LRRC27: variants seen among roughly 807,000 people sequenced by gnomAD.
LRRC27 encodes leucine-rich repeat-containing protein 27.
A neutral mutation model predicts 55.0 loss-of-function variants in LRRC27; 57 were observed. The ratio of observed to expected loss-of-function variants is 1.04; its 90% CI spans 0.84 to 1.29. The LOEUF is 1.29. Among genes scored for constraint, LRRC27 ranks in the 50% most tolerant of loss-of-function variants. The pLI is 0.00. For synonymous variants in LRRC27, 278 were observed against 251.9 expected, an observed-to-expected ratio of 1.10 and a Z score of -0.98; for missense variants, 721 against 651.5, an observed-to-expected ratio of 1.11 and a Z score of -1.16.
chr10:132,380,437 G>A lies in LRRC27; in HGVS notation c.*5195G>A, dbSNP rs551575076. ...ATGTCAAGGATCCGCTTAAAACATCGTGTGGTGCTAATCTCTGCACGAGCG... is the reference window on the plus strand; with the variant it reads ...ATGTCAAGGATCCGCTTAAAACATCATGTGGTGCTAATCTCTGCACGAGCG... On this transcript the variant is annotated 3_prime_UTR_variant, in exon 11 of 11. Transcript: ENST00000368614. Among the ~76,000 whole-genome samples, 202 of 152,270 alleles carry A rather than the reference G, an allele frequency of 1.3e-3. 1 individual carries two copies. Among genetic ancestry groups the A allele is most frequent in the Admixed American group, 2.6e-3 (40 of 15,288 alleles).
chr10:132,380,595 G>C lies in LRRC27; in HGVS notation c.*5353G>C, dbSNP rs2069398723. On this transcript the variant is annotated 3_prime_UTR_variant, in exon 11 of 11. Transcript: ENST00000368614. ...GATCCCTTGAGCCCAGGAGGTCGAG[G>C]CTGCAGTGAGCTGTGATTGCACCAC... 6.6e-6 allele frequency among the ~76,000 whole-genome samples: 1 copy of C among 152,148 alleles called. No homozygotes were observed. The highest frequency in any genetic ancestry group is 2.1e-4 in the South Asian group (1 of 4,828).
chr10:132,364,413 C>CCACACTTACACT (rs1564853217), intron 9 of LRRC27, among the ~76,000 whole-genome samples: 1 of 145,290 alleles, frequency 6.9e-6, no homozygotes, highest in African/African-American at 2.6e-5. Flanking sequence ...ACCTCCACAC[C>CCACACTTACACT]CGCGCTTACA....
chr10:132,355,670 G>A (rs1166529763), intron 7 of LRRC27, 120 bp from the exon 8 acceptor site: 5 of 696,782 alleles, frequency 7.2e-6, no homozygotes, highest in Non-Finnish European at 7.6e-6. Context: ...GGGCATGCAC[G>A]CCCCCAGCCT....
chr10:132,353,255 T>C (rs1275222058), intron 7 of LRRC27: 9 of 1,274,796 alleles, frequency 7.1e-6, no homozygotes, highest in Non-Finnish European at 9.0e-6. Context: ...AGCCTCTCCC[T>C]CCTTCTGGGT....
Position 132,372,362 on chromosome 10 carries a change from T to A in LRRC27, c.1417-2704T>A, listed in dbSNP as rs1349121932. Among the ~76,000 whole-genome samples the A allele has an allele frequency of 6.6e-6, 1 of 151,978 alleles. No individual in the cohort carries two copies. Among genetic ancestry groups the A allele is most frequent in the African/African-American group, 2.4e-5 (1 of 41,358 alleles). ...CAGGTGAATCACCTGAGGTCAGGAGTTTGAGACCAACCTGGCCAACCTGGT... is the reference window on the plus strand; with the variant it reads ...CAGGTGAATCACCTGAGGTCAGGAGATTGAGACCAACCTGGCCAACCTGGT... On this transcript the variant is annotated intron_variant, in intron 10 of 10. Coordinates refer to ENST00000368614, the MANE Select transcript of LRRC27 (RefSeq NM_030626.3). The surrounding 1 kb of genome is among the most constrained non-coding windows in gnomAD (Gnocchi z 4.0).
At chr10:132,331,949 G>A (rs1159127026), upstream of LRRC27, 25 of 447,852 alleles carry the variant, frequency 5.6e-5, no homozygotes, top group Admixed American at 1.7e-3. Context: ...CCCCGCCCCA[G>A]CGCAGGCGCA....
At chr10:132,349,139 T>C (rs2067878591) in intron 6 of LRRC27, 1 of 965,650 alleles carries the variant, frequency 1.0e-6, no homozygotes, top group Non-Finnish European at 1.6e-6. Context: ...GAGAGAATGC[T>C]GCAAAATAAC....
At chr10:132,339,474 G>A (rs2067296283) in intron 3 of LRRC27, among the ~76,000 whole-genome samples, 1 of 152,166 alleles carries the variant, frequency 6.6e-6, no homozygotes, top group South Asian at 2.1e-4. Flanking sequence ...GGGACTCTGG[G>A]GTCTGCAGGG....
intron 10 of LRRC27, among the ~76,000 whole-genome samples, chr10:132,368,963 A>G (rs2069156718): frequency 6.6e-6 from 1 of 152,242 alleles, no homozygotes; most frequent in Admixed American, 6.5e-5. Context: ...AAAGGAGCAA[A>G]CAAGCCAGTT....
At chr10:132,362,496 C>A (rs554826150) in intron 9 of LRRC27, among the ~76,000 whole-genome samples, 1 of 152,088 alleles carries the variant, frequency 6.6e-6, no homozygotes, top group Non-Finnish European at 1.5e-5. Context: ...AGAGTCGGGG[C>A]GCAAGGCAAG....
chr10:132,354,945 C>T (rs547830053), intron 7 of LRRC27, among the ~76,000 whole-genome samples: 4 of 152,324 alleles, frequency 2.6e-5, no homozygotes, highest in Non-Finnish European at 5.9e-5. Context: ...CCCAGCCACA[C>T]GCGAGGAGCC....
intron 5 of LRRC27, among the ~76,000 whole-genome samples, chr10:132,347,321 C>A (rs1341013363): frequency 1.4e-5 from 2 of 143,990 alleles, no homozygotes; most frequent in East Asian, 4.3e-4. Flanking sequence ...TCAGTGGGGC[C>A]TGTGTGGGAA....
At chr10:132,365,897 T>C (rs979113966) in intron 10 of LRRC27, among the ~76,000 whole-genome samples, 3 of 152,256 alleles carry the variant, frequency 2.0e-5, no homozygotes, top group African/African-American at 7.2e-5. Flanking sequence ...AAACATTGTT[T>C]TATTAAAAAT....
intron 7 of LRRC27, among the ~76,000 whole-genome samples, chr10:132,353,557 A>G (rs2748385): frequency 0.4 from 61,111 of 152,058 alleles, 12,564 homozygotes; most frequent in African/African-American, 0.45. Flanking sequence ...AGTCCTCAGA[A>G]CTGGTCCCCT....
In LRRC27 at chr10:132,364,502, CATCT is replaced by C. The variant is rs1564853786; in HGVS notation, c.1290-920_1290-917del. On this transcript the variant is annotated intron_variant, in intron 9 of 10. Coordinates refer to ENST00000368614, the MANE Select transcript of LRRC27 (RefSeq NM_030626.3). ...CCACCCACACTTACACCCACCCTTA[CATCT>C]ACCTCCACACTCGCACTTACACCCA... Among the ~76,000 whole-genome samples, 21 of 140,742 alleles carry C rather than the reference CATCT, an allele frequency of 1.5e-4. 3 individuals carry two copies. Among genetic ancestry groups the C allele is most frequent in the East Asian group, 4.2e-4 (2 of 4,800 alleles). The allele number at this position is 140,742 out of a possible 152,430, so 92.3% of individuals were successfully genotyped here.
chr10:132,349,244 G>T (rs147988313), intron 6 of LRRC27, among the ~76,000 whole-genome samples: 1 of 152,172 alleles, frequency 6.6e-6, no homozygotes, highest in Non-Finnish European at 1.5e-5. Context: ...CTTGGAGGCC[G>T]CAGTGGTCTG....
intron 7 of LRRC27, among the ~76,000 whole-genome samples, chr10:132,355,265 T>C (rs1244000993): frequency 6.6e-6 from 1 of 152,128 alleles, no homozygotes; most frequent in Non-Finnish European, 1.5e-5. Context: ...TTAGTAGAGA[T>C]GGGGTTTCAC....
intron 10 of LRRC27, among the ~76,000 whole-genome samples, chr10:132,369,702 C>T (rs1331085260): frequency 6.6e-6 from 1 of 152,194 alleles, no homozygotes; most frequent in Non-Finnish European, 1.5e-5. Flanking sequence ...CGACTGTGGA[C>T]TCTGAGTGGT....
At position 132,375,222 on chromosome 10, in the gene LRRC27, A is replaced by G; in HGVS notation, c.1573A>G (p.Asn525Asp). 6.2e-7 allele frequency: 1 copy of G among 1,613,480 alleles called. No homozygotes were observed. The highest frequency in any genetic ancestry group is 1.1e-5 in the South Asian group (1 of 91,066). The change falls in exon 11 of 11, where the codon AAT (asparagine) becomes GAT (aspartate). Residue 525 changes from asparagine (N) to aspartate (D), a missense_variant. Physicochemically the swap from Asn to Asp is conservative, Grantham distance 23. Coordinates refer to ENST00000368614, the MANE Select transcript of LRRC27 (RefSeq NM_030626.3). The part of the protein sequence containing the change: ...FFNTKYGESG[N>D]VRRYQ The stretch of plus-strand genomic sequence containing the variant: ...TAACACAAAATATGGAGAATCAGGA[A>G]ATGTTCGCAGATACCAGTGACACCA...
Sources: gnomAD v4.1 joint callset for allele counts (sites outside exome capture counted in the v4.1 genomes callset) on GRCh38, gnomAD v4.1.1 for gene constraint, Gnocchi (gnomAD v3.1) non-coding constraint, MANE v1.5 for transcripts, NCBI Gene and HGNC (gene_info 2026-07-23, HGNC 2026-07-21) for gene names.